BRWD3: variants seen among roughly 807,000 people sequenced by gnomAD.
The protein encoded by BRWD3 is bromodomain and WD repeat domain containing 3.
In BRWD3, 10 loss-of-function variants were observed where a neutral mutation model predicts 149.7. The ratio of observed to expected loss-of-function variants is 0.07; its 90% confidence interval spans 0.04 to 0.11. The LOEUF is 0.11. BRWD3 is among the 10% of genes least tolerant of loss of function. The probability of loss-of-function intolerance (pLI) is 1.00; values close to 1 mark genes in which losing one functional copy is unlikely to be tolerated. For missense variants in BRWD3, 940 were observed against 1,373.2 expected, an observed-to-expected ratio of 0.68 and a Z score of 4.99; for synonymous variants, 504 against 456.7, an observed-to-expected ratio of 1.10 and a Z score of -1.32.
In BRWD3 at chrX:80,723,753, C is replaced by T. The variant is rs1057521931; in HGVS notation, c.1645G>A (p.Glu549Lys). 1.7e-6 allele frequency: 2 copies of T among 1,210,151 alleles called. No homozygotes were observed. The highest frequency in any genetic ancestry group is 2.2e-6 in the Non-Finnish European group (2 of 894,171). ...CAAAATTTAAATATGCTAACCTTTTCGTAGTATTTACTGCATCCAAAACCA... is the reference window on the plus strand; with the variant it reads ...CAAAATTTAAATATGCTAACCTTTTTGTAGTATTTACTGCATCCAAAACCA... ...LFGFGCSKYY[E>K]KIPDQMFFHT... Residue 549 changes from glutamate (E) to lysine (K), a missense_variant, in exon 16 of 41, where the codon GAA (glutamate) becomes AAA (lysine). Glu to Lys is a moderately conservative substitution (Grantham distance 56). Around this residue, in one of 6 missense-constraint regions of BRWD3, gnomAD observed 209 missense variants for 396.8 expected, o/e 0.53. Transcript: ENST00000373275.
chrX:80,728,977 T>C, intron 13 of BRWD3, 72 bp from the exon 14 acceptor site: 2 of 943,066 alleles, frequency 2.1e-6, no homozygotes, highest in South Asian at 4.0e-5. Context: ...TAGCAAATTA[T>C]GACAAAATTT....
At chrX:80,726,386 C>CAT (rs749953464) in intron 14 of BRWD3, among the ~76,000 whole-genome samples, 7 of 109,078 alleles carry the variant, frequency 6.4e-5, no homozygotes, top group Non-Finnish European at 1.3e-4. Flanking sequence ...ATCTGTATAA[C>CAT]ATAACATGTT....
At position 80,716,244 on chromosome X, in the gene BRWD3, C is replaced by T; in HGVS notation, c.2238G>A (p.Gln746=). Residue 746 remains glutamine, a synonymous_variant, in exon 20 of 41, where the codon CAG becomes CAA. Coordinates refer to ENST00000373275, the MANE Select transcript of BRWD3 (RefSeq NM_153252.5). ...CACCTTTTGCAGTTCGACATTCTTC[C>T]TGTACCCTAATAACAAGTCAAAGGT... ...NELNNGVSRV[Q]EECRTAKGDI... is the part of the protein sequence containing the mutation. 8.3e-7 allele frequency: 1 copy of T among 1,197,977 alleles called. No homozygotes were observed.
At chrX:80,765,845 G>C (rs1218567833) in intron 6 of BRWD3, among the ~76,000 whole-genome samples, 1 of 111,735 alleles carries the variant, frequency 8.9e-6, no homozygotes, top group Admixed American at 9.5e-5. Flanking sequence ...TATGCAAACA[G>C]ATATATCATG....
intron 4 of BRWD3, among the ~76,000 whole-genome samples, chrX:80,794,318 C>T (rs1335356827): frequency 9.1e-6 from 1 of 110,352 alleles, no homozygotes; most frequent in Admixed American, 9.7e-5. Flanking sequence ...ACAGCCTGGG[C>T]CACACAACAA....
At chrX:80,685,253 T>C (rs1197392522) in intron 36 of BRWD3, among the ~76,000 whole-genome samples, 3 of 110,757 alleles carry the variant, frequency 2.7e-5, no homozygotes, top group African/African-American at 6.6e-5. Context: ...AAAGTAAACA[T>C]TTACAAGGAG....
chrX:80,750,314 G>T (rs1480801501), intron 6 of BRWD3, among the ~76,000 whole-genome samples: 1 of 110,812 alleles, frequency 9.0e-6, no homozygotes, highest in Non-Finnish European at 1.9e-5. Context: ...CTCACAGATT[G>T]GGAGAAAATA....
chrX:80,800,875 A>G (rs1226151511), intron 4 of BRWD3, among the ~76,000 whole-genome samples: 1 of 110,856 alleles, frequency 9.0e-6, no homozygotes, highest in Non-Finnish European at 1.9e-5. Flanking sequence ...TTTTCTTTTT[A>G]TTAGTTTTAA....
chrX:80,683,321 T>C (rs2072481302), intron 37 of BRWD3, among the ~76,000 whole-genome samples: 1 of 111,801 alleles, frequency 8.9e-6, no homozygotes, highest in African/African-American at 3.2e-5. Context: ...GGTGATAGGT[T>C]TCACAGGTGA....
chrX:80,765,284 C>T (rs749565398), intron 6 of BRWD3, among the ~76,000 whole-genome samples: 6 of 111,841 alleles, frequency 5.4e-5, no homozygotes, highest in Non-Finnish European at 1.1e-4. Context: ...TTGATTGACA[C>T]TGACTACTGA....
At position 80,735,193 on chromosome X, in the gene BRWD3, G is replaced by T. The variant is rs1236574829; in HGVS notation, c.919C>A (p.Arg307Ser). The T allele has an allele frequency of 1.7e-6, 2 of 1,200,216 alleles. No individual in the cohort carries two copies. Among genetic ancestry groups the T allele is most frequent in the African/African-American group, 1.8e-5 (1 of 56,735 alleles). The change falls in exon 10 of 41, where the codon CGC (arginine) becomes AGC (serine). Residue 307 changes from arginine (R) to serine (S), a missense_variant. Physicochemically the swap from Arg to Ser is moderately radical, Grantham distance 110. Transcript: ENST00000373275. ...WHVKTMKFRDRPVKFTERSRP... is the reference protein window; with the variant it reads ...WHVKTMKFRDSPVKFTERSRP... Reference sequence around the variant, plus strand: ...GATCTCTCAGTAAATTTCACCGGGCGATCTCTAAAGATAAAAATAAGGTGT... The same window carrying T: ...GATCTCTCAGTAAATTTCACCGGGCTATCTCTAAAGATAAAAATAAGGTGT...
At chrX:80,712,877 TGCCCC>T (rs1569256599) in intron 20 of BRWD3, among the ~76,000 whole-genome samples, 7 of 97,977 alleles carry the variant, frequency 7.1e-5, no homozygotes, top group Non-Finnish European at 1.4e-4. Context: ...GCCTGGCAAC[TGCCCC>T]GTCTGAGAAG....
rs1401814921 is a variant in BRWD3 at position 80,809,757 on chromosome X, AAAAGAGAGAG to A, written c.-296_-287del. On this transcript the variant is annotated 5_prime_UTR_variant, in exon 1 of 41. Coordinates refer to ENST00000373275, the MANE Select transcript of BRWD3 (RefSeq NM_153252.5). ...AGAGAAGAGAGAGAGAGAGAGAGGA[AAAAGAGAGAG>A]AGAGAGAGAGAGAGAGAGAGAGAGA... is the stretch of plus-strand genomic sequence containing the variant. 2.9e-4 allele frequency: 24 copies of A among 81,398 alleles called. 3 individuals carry two copies. The highest frequency in any genetic ancestry group is 2.2e-3 in the African/African-American group (15 of 6,823). The allele number at this position is 81,398 out of a possible 1,213,427, so 6.7% of individuals were successfully genotyped here.
In BRWD3 at chrX:80,749,328, C is replaced by T. The variant is rs2073634877; in HGVS notation, c.431-3599G>A. On this transcript the variant is annotated intron_variant, in intron 6 of 40. Coordinates refer to ENST00000373275, the MANE Select transcript of BRWD3 (RefSeq NM_153252.5). ...GTGTCTCTCTCTCTCTTCCTCCCTC[C>T]CTCCCTTCAGTTTTTATTATATATG... 4.5e-5 allele frequency among the ~76,000 whole-genome samples: 5 copies of T among 111,206 alleles called. No individual in the cohort carries two copies. The South Asian group carries it at 1.9e-3, about 42-fold the overall frequency.
chrX:80,752,963 C>T (rs1285777605), intron 6 of BRWD3, among the ~76,000 whole-genome samples: 1 of 112,056 alleles, frequency 8.9e-6, no homozygotes, highest in Non-Finnish European at 1.9e-5. Context: ...CCACGCCTGG[C>T]CGATCATTTT....
At chrX:80,801,335 C>G (rs1467759422) in intron 4 of BRWD3, among the ~76,000 whole-genome samples, 1 of 103,206 alleles carries the variant, frequency 9.7e-6, no homozygotes, top group Non-Finnish European at 2.0e-5. Context: ...ATTCTCCTGC[C>G]TCAGCCTCTG....
chrX:80,749,842 T>C (rs772145800), intron 6 of BRWD3, among the ~76,000 whole-genome samples: 18 of 111,826 alleles, frequency 1.6e-4, no homozygotes, highest in Non-Finnish European at 3.2e-4. Context: ...TTTTAAAATG[T>C]ATGATAAAGC....
intron 19 of BRWD3, chrX:80,717,344 A>G (rs185985551): frequency 1.6e-3 from 665 of 408,081 alleles, no homozygotes; most frequent in Middle Eastern, 2.8e-3. Context: ...TAAACTCAGA[A>G]CAGAGATAAT....
intron 6 of BRWD3, among the ~76,000 whole-genome samples, chrX:80,781,034 G>C (rs772043428): frequency 8.9e-6 from 1 of 112,213 alleles, no homozygotes; most frequent in African/African-American, 3.2e-5. Context: ...AGAGCAACAC[G>C]TAAATATTAA....
Sources: allele counts gnomAD v4.1 joint callset (sites outside exome capture counted in the v4.1 genomes callset), GRCh38; gene constraint gnomAD v4.1.1; regional missense constraint gnomAD v4.1.1; transcripts MANE v1.5; gene names NCBI Gene and HGNC (gene_info 2026-07-23, HGNC 2026-07-21).